Variants in SLC26A7 observed in about 807,000 individuals in gnomAD.
SLC26A7 encodes the protein anion exchange transporter.
A neutral mutation model predicts 82.5 loss-of-function variants in SLC26A7; 59 were observed. The observed-to-expected ratio is 0.72, with a 90% CI of 0.58 to 0.89. SLC26A7 has a LOEUF of 0.89. SLC26A7 is among the 40% of genes least tolerant of loss of function. The pLI is 0.00. For missense variants in SLC26A7, 820 were observed against 793.0 expected, an observed-to-expected ratio of 1.03 and a Z score of -0.41; for synonymous variants, 271 against 274.3, an observed-to-expected ratio of 0.99 and a Z score of 0.12.
At chr8:91,350,033 A>C (rs1292694565) in intron 9 of SLC26A7, among the ~76,000 whole-genome samples, 2 of 152,140 alleles carry the variant, frequency 1.3e-5, no homozygotes, top group African/African-American at 4.8e-5. Flanking sequence ...GGTGTACTAT[A>C]ACTTTTTTTA....
intron 9 of SLC26A7, among the ~76,000 whole-genome samples, chr8:91,350,019 A>T (rs1813669822): frequency 6.6e-6 from 1 of 152,280 alleles, no homozygotes; most frequent in South Asian, 2.1e-4. Context: ...GATAGTGACA[A>T]TTTGGTGTAC....
intron 2 of SLC26A7, among the ~76,000 whole-genome samples, chr8:91,276,200 C>T (rs1486459418): frequency 6.6e-6 from 1 of 151,656 alleles, no homozygotes; most frequent in African/African-American, 2.4e-5. Context: ...AGCTAAGTAA[C>T]ATATCTTCTA....
chr8:91,377,356 G>T (rs983389322), intron 15 of SLC26A7, among the ~76,000 whole-genome samples: 4 of 152,062 alleles, frequency 2.6e-5, no homozygotes, highest in Non-Finnish European at 5.9e-5. Context: ...GGGGGCTTTG[G>T]TGAGCTGAGT....
Position 91,366,725 on chromosome 8 carries a change from C to T in SLC26A7, c.1626+8C>T, listed in dbSNP as rs374301726. The T allele has an allele frequency of 2.8e-5, 45 of 1,606,440 alleles. No homozygotes were observed. Among genetic ancestry groups the T allele is most frequent in the Non-Finnish European group, 3.3e-5 (39 of 1,177,982 alleles). On this transcript the variant is annotated splice_region_variant and intron_variant, in intron 14 of 18. Coordinates refer to ENST00000276609, the MANE Select transcript of SLC26A7 (RefSeq NM_052832.4). Reference sequence around the variant, plus strand: ...CTTGATGATATCAGCAAGGTAGGATCAATGGTTTGATTAGAATGTCATACT... The same window carrying T: ...CTTGATGATATCAGCAAGGTAGGATTAATGGTTTGATTAGAATGTCATACT...
At chr8:91,392,193 A>T (rs1468098337) in intron 16 of SLC26A7, among the ~76,000 whole-genome samples, 2 of 152,194 alleles carry the variant, frequency 1.3e-5, no homozygotes, top group African/African-American at 4.8e-5. Context: ...GCAGTTTTGT[A>T]TCAGTTTGCC....
At chr8:91,304,227 C>A (rs964027104) in intron 4 of SLC26A7, among the ~76,000 whole-genome samples, 3 of 152,102 alleles carry the variant, frequency 2.0e-5, no homozygotes, top group African/African-American at 7.2e-5. Flanking sequence ...TATAGTTTGG[C>A]TCTGTGTTGC....
chr8:91,217,654 C>G (rs546598447), intron 1 of SLC26A7, among the ~76,000 whole-genome samples: 2 of 152,126 alleles, frequency 1.3e-5, no homozygotes, highest in Non-Finnish European at 2.9e-5. Context: ...CTCACTCCCC[C>G]AGCATATGCA....
chr8:91,315,705 C>T (rs1387924334), intron 4 of SLC26A7, among the ~76,000 whole-genome samples: 2 of 152,116 alleles, frequency 1.3e-5, no homozygotes, highest in Non-Finnish European at 2.9e-5. Flanking sequence ...AATACATTTC[C>T]TTCTTCATTA....
chr8:91,320,738 A>G (rs1812768684), intron 5 of SLC26A7, among the ~76,000 whole-genome samples: 1 of 152,186 alleles, frequency 6.6e-6, no homozygotes, highest in South Asian at 2.1e-4. Context: ...CTTGGCTAGC[A>G]TGTCAAAGAA....
chr8:91,287,794 T>C (rs957813468), intron 2 of SLC26A7, among the ~76,000 whole-genome samples: 1 of 152,222 alleles, frequency 6.6e-6, no homozygotes, highest in African/African-American at 2.4e-5. Flanking sequence ...AGGTGCTTCT[T>C]GGTAGAGGTG....
intron 2 of SLC26A7, among the ~76,000 whole-genome samples, chr8:91,224,586 G>C (rs1407823638): frequency 6.6e-6 from 1 of 152,182 alleles, no homozygotes; most frequent in Non-Finnish European, 1.5e-5. Context: ...CTGACCTTGA[G>C]AGGCCCCAAC....
At chr8:91,236,849 A>G (rs2130680573) in intron 2 of SLC26A7, among the ~76,000 whole-genome samples, 2 of 152,326 alleles carry the variant, frequency 1.3e-5, no homozygotes, top group South Asian at 4.1e-4. Context: ...GTGCAGAATA[A>G]AACAAACAAC....
chr8:91,379,510 C>T (rs181962644), intron 15 of SLC26A7, among the ~76,000 whole-genome samples: 1 of 152,024 alleles, frequency 6.6e-6, no homozygotes, highest in East Asian at 1.9e-4. Flanking sequence ...GGAAAACCCT[C>T]ACATGTATTG....
At chr8:91,381,865 G>A (rs1814679365) in intron 15 of SLC26A7, among the ~76,000 whole-genome samples, 1 of 152,028 alleles carries the variant, frequency 6.6e-6, no homozygotes, top group Non-Finnish European at 1.5e-5. Context: ...CCTAAAACCT[G>A]TAACTTTGTT....
chr8:91,317,773 C>T (rs1812678761), intron 4 of SLC26A7, among the ~76,000 whole-genome samples: 1 of 151,930 alleles, frequency 6.6e-6, no homozygotes, highest in Admixed American at 6.6e-5. Flanking sequence ...AATTTTTCTT[C>T]CACATAGACC....
At chr8:91,394,208 C>CT (rs139042959) in intron 18 of SLC26A7, 169 bp downstream of exon 18, 3 of 1,612,990 alleles carry the variant, frequency 1.9e-6, no homozygotes, top group Non-Finnish European at 2.5e-6. Context: ...TGTTTCCATT[C>CT]TTTTTTTAGG....
chr8:91,249,743 G>T lies in SLC26A7; in HGVS notation c.92G>T (p.Arg31Leu), dbSNP rs760098026. 2.5e-6 allele frequency: 4 copies of T among 1,612,486 alleles called. No homozygotes were observed. The highest frequency in any genetic ancestry group is 3.4e-6 in the Non-Finnish European group (4 of 1,179,230). The change falls in exon 2 of 19, where the codon CGA becomes CTA. Residue 31 changes from arginine to leucine, a missense_variant. Arg to Leu is a moderately radical substitution (Grantham distance 102). Transcript: ENST00000276609. The part of the protein sequence containing the change: ...CEDIIQWCRR[R>L]LPILDWAPHY... ...GACATTATACAGTGGTGTAGAAGGCGACTGCCCATTTTGGATTGGGCACCA... is the reference window on the plus strand; with the variant it reads ...GACATTATACAGTGGTGTAGAAGGCTACTGCCCATTTTGGATTGGGCACCA...
intron 2 of SLC26A7, among the ~76,000 whole-genome samples, chr8:91,283,241 A>G (rs550189217): frequency 3.9e-5 from 6 of 152,298 alleles, no homozygotes; most frequent in African/African-American, 1.4e-4. Context: ...ACTTAAAAAT[A>G]CAGAAAGAGA....
chr8:91,274,035 G>A (rs1174718789), intron 2 of SLC26A7, among the ~76,000 whole-genome samples: 5 of 152,130 alleles, frequency 3.3e-5, no homozygotes, highest in Non-Finnish European at 7.4e-5. Flanking sequence ...ACTTGAACAA[G>A]TTCTTCAGCT....
Sources: gnomAD v4.1 joint callset for allele counts (sites outside exome capture counted in the v4.1 genomes callset) on GRCh38, gnomAD v4.1.1 for gene constraint, MANE v1.5 for transcripts, NCBI Gene and HGNC (gene_info 2026-07-23, HGNC 2026-07-21) for gene names.